Variants in ZSCAN25 observed in about 807,000 individuals in gnomAD.
ZSCAN25 encodes the protein zinc finger and SCAN domain containing 25.
In ZSCAN25, 27 loss-of-function variants were observed where a neutral mutation model predicts 38.7. The ratio of observed to expected loss-of-function variants is 0.70; its 90% CI spans 0.51 to 0.96. The LOEUF is 0.96. Ranked by LOEUF, ZSCAN25 falls within the 40% of genes least tolerant of loss-of-function variation. The pLI is 0.00. For missense variants in ZSCAN25, 637 were observed against 705.9 expected, an observed-to-expected ratio of 0.90 and a Z score of 1.11; for synonymous variants, 273 against 277.7, an observed-to-expected ratio of 0.98 and a Z score of 0.17.
the ZSCAN25 span, among the ~76,000 whole-genome samples, chr7:99,689,652 A>G: frequency 6.6e-6 from 1 of 152,214 alleles, no homozygotes; most frequent in African/African-American, 2.4e-5. Flanking sequence ...ATTCTTATAC[A>G]CCAATAACAG....
At chr7:99,694,984 T>TA in the ZSCAN25 span, among the ~76,000 whole-genome samples, 13,560 of 150,100 alleles carry the variant, frequency 0.09, 1,127 homozygotes, top group East Asian at 0.25. Context: ...TGCCTTTGTT[T>TA]AAAAAAAAAA....
At chr7:99,687,701 C>T in the ZSCAN25 span, among the ~76,000 whole-genome samples, 28 of 152,264 alleles carry the variant, frequency 1.8e-4, no homozygotes, top group African/African-American at 5.8e-4. Context: ...AGAAGAGCAA[C>T]TCCAGGACTC....
At chr7:99,693,056 T>C in the ZSCAN25 span, among the ~76,000 whole-genome samples, 2 of 152,202 alleles carry the variant, frequency 1.3e-5, no homozygotes, top group South Asian at 4.1e-4. Flanking sequence ...GTCTCTGATG[T>C]TGGTGACCTA....
At chr7:99,640,252 A>G in the ZSCAN25 span, among the ~76,000 whole-genome samples, 1 of 152,186 alleles carries the variant, frequency 6.6e-6, no homozygotes, top group African/African-American at 2.4e-5. Context: ...TCCGCCTCCC[A>G]GGTTCAAGCA....
At chr7:99,683,732 G>T in the ZSCAN25 span, among the ~76,000 whole-genome samples, 1 of 151,908 alleles carries the variant, frequency 6.6e-6, no homozygotes, top group Non-Finnish European at 1.5e-5. Context: ...TGCTTGCTTG[G>T]ACTCCCACAC....
the ZSCAN25 span, among the ~76,000 whole-genome samples, chr7:99,727,186 G>A: frequency 1.3e-5 from 2 of 152,148 alleles, no homozygotes; most frequent in African/African-American, 2.4e-5. Context: ...GTGCAGGGCT[G>A]TGCAGCTGGA....
the ZSCAN25 span, among the ~76,000 whole-genome samples, chr7:99,733,342 C>T: frequency 2.6e-5 from 4 of 152,184 alleles, no homozygotes; most frequent in Admixed American, 2.6e-4. Flanking sequence ...GATTCCACGT[C>T]AAGGCAGAGG....
At position 99,631,455 on chromosome 7, in the gene ZSCAN25, G is replaced by T; in HGVS notation, c.*1435G>T. 1.0e-6 allele frequency: 1 copy of T among 985,456 alleles called. No homozygotes were observed. The highest frequency in any genetic ancestry group is 1.2e-6 in the Non-Finnish European group (1 of 829,932). The allele number at this position is 985,456 out of a possible 1,614,324, so 61.0% of individuals were successfully genotyped here. A position where few individuals can be genotyped will look rare whatever the true frequency, so the allele number is the denominator to read the frequency against. ...CTTAAGGGTTTCATTTCTGTTTAAAGTTCTGGAAGCTGCATAACTAGCGTG... is the reference window on the plus strand; with the variant it reads ...CTTAAGGGTTTCATTTCTGTTTAAATTTCTGGAAGCTGCATAACTAGCGTG... On this transcript the variant is annotated 3_prime_UTR_variant, in exon 8 of 8. Coordinates refer to ENST00000394152, the MANE Select transcript of ZSCAN25 (RefSeq NM_145115.3).
At position 99,621,450 on chromosome 7, in the gene ZSCAN25, G is replaced by A; in HGVS notation, c.465G>A (p.Gly155=). 1.9e-6 allele frequency: 3 copies of A among 1,561,930 alleles called. No homozygotes were observed. Among genetic ancestry groups the A allele is most frequent in the Non-Finnish European group, 2.6e-6 (3 of 1,149,386 alleles). The change falls in exon 5 of 8, where the codon GGG becomes GGA. Residue 155 remains glycine (G), a synonymous_variant. Transcript: ENST00000394152. ...RGAWEPGIQL[G]PVEVKPEWGM... is the part of the protein sequence containing the mutation. ...CTTGGGAGCCAGGCATCCAGCTGGG[G>A]CCAGTGGAGGTCAAGCCTGAATGGG...
chr7:99,730,309 A>G, the ZSCAN25 span, among the ~76,000 whole-genome samples: 1 of 152,218 alleles, frequency 6.6e-6, no homozygotes, highest in East Asian at 1.9e-4. Context: ...AAATAAACCC[A>G]TGAATTCATA....
the ZSCAN25 span, chr7:99,662,734 G>C: frequency 7.5e-7 from 1 of 1,340,226 alleles, no homozygotes; most frequent in Non-Finnish European, 1.1e-6. This position sits in a 1 kb window ranked among gnomAD's most constrained non-coding sequence, Gnocchi z 4.3. Flanking sequence ...CATCTTCCTG[G>C]AATACTTCCT....
the ZSCAN25 span, among the ~76,000 whole-genome samples, chr7:99,704,448 A>C: frequency 6.6e-6 from 1 of 151,752 alleles, no homozygotes. Context: ...GTGCCACCAT[A>C]CCTAGCTAAT....
chr7:99,632,986 G>GTTGTTTTTTTTTTTTTTTTTT (rs1808108383), downstream of ZSCAN25, among the ~76,000 whole-genome samples: 2 of 141,482 alleles, frequency 1.4e-5, no homozygotes, highest in African/African-American at 5.6e-5. Flanking sequence ...TGCATTTTCT[G>GTTGTTTTTTTTTTTTTTTTTT]TTGTTTTTTT....
downstream of ZSCAN25, among the ~76,000 whole-genome samples, chr7:99,632,728 T>G (rs947407033): frequency 1.3e-5 from 2 of 152,162 alleles, no homozygotes; most frequent in African/African-American, 4.8e-5. Flanking sequence ...AGGTTGAGGT[T>G]GCAGTGAGCC....
At chr7:99,727,474 T>A in the ZSCAN25 span, among the ~76,000 whole-genome samples, 1 of 152,188 alleles carries the variant, frequency 6.6e-6, no homozygotes, top group Non-Finnish European at 1.5e-5. Flanking sequence ...ATTACCATTG[T>A]ACCTGGCCTG....
At chr7:99,651,635 G>T in the ZSCAN25 span, among the ~76,000 whole-genome samples, 1 of 152,154 alleles carries the variant, frequency 6.6e-6, no homozygotes, top group East Asian at 1.9e-4. Flanking sequence ...AAACTTGCAG[G>T]TAGGGGCTAA....
At chr7:99,702,418 T>C in the ZSCAN25 span, among the ~76,000 whole-genome samples, 3 of 152,110 alleles carry the variant, frequency 2.0e-5, no homozygotes. Context: ...CCACCTTGAT[T>C]TGATTTTTGT....
the ZSCAN25 span, chr7:99,709,218 T>C: frequency 6.2e-7 from 1 of 1,613,922 alleles, no homozygotes. Flanking sequence ...CACCACCATG[T>C]CAAGATACTC....
At chr7:99,734,214 G>A in the ZSCAN25 span, among the ~76,000 whole-genome samples, 1 of 152,190 alleles carries the variant, frequency 6.6e-6, no homozygotes, top group Admixed American at 6.5e-5. Context: ...TGTATTTTCT[G>A]TTTCCATGTG....
Sources: allele counts gnomAD v4.1 joint callset (sites outside exome capture counted in the v4.1 genomes callset), GRCh38; gene constraint gnomAD v4.1.1; non-coding constraint Gnocchi (gnomAD v3.1); transcripts MANE v1.5; gene names NCBI Gene and HGNC (gene_info 2026-07-23, HGNC 2026-07-21).